NTN1: variants seen among roughly 807,000 people sequenced by gnomAD.
The protein encoded by NTN1 is netrin 1, also known as netrin-1.
NTN1 carries 11 observed loss-of-function variants against 54.2 expected under a neutral mutation model. The ratio of observed to expected loss-of-function variants is 0.20; its 90% confidence interval spans 0.13 to 0.34. The LOEUF is 0.34. NTN1 is among the 10% of genes least tolerant of loss of function. The probability of loss-of-function intolerance (pLI) is 1.00; values close to 1 mark genes in which losing one functional copy is unlikely to be tolerated. For synonymous variants in NTN1, 371 were observed against 382.0 expected (o/e 0.97, Z 0.33); for missense variants, 740 against 893.1 (o/e 0.83, Z 2.18).
intron 2 of NTN1, among the ~76,000 whole-genome samples, chr17:9,087,614 TA>T (rs2092094038): frequency 6.6e-6 from 1 of 152,178 alleles, no homozygotes; most frequent in African/African-American, 2.4e-5. Flanking sequence ...TGCTCCCACA[TA>T]CCAGAGTCCT....
chr17:9,003,850 G>A, the NTN1 span, among the ~76,000 whole-genome samples: 3 of 151,856 alleles, frequency 2.0e-5, no homozygotes, highest in Non-Finnish European at 4.4e-5. The surrounding 1 kb of genome is among the most constrained non-coding windows in gnomAD (Gnocchi z 7.4). Context: ...TTCGCCGAGC[G>A]CTCAAAGGGG....
intron 2 of NTN1, among the ~76,000 whole-genome samples, chr17:9,024,073 A>G (rs2091862461): frequency 6.6e-6 from 1 of 152,246 alleles, no homozygotes; most frequent in African/African-American, 2.4e-5. Context: ...AAAAAAGTAT[A>G]CCAGATTTTT....
rs1315685117 is a variant in NTN1 at position 9,163,063 on chromosome 17, CCCT to C, written c.1207+67_1207+69del. 9 of 1,476,362 alleles carry C rather than the reference CCCT, an allele frequency of 6.1e-6. No individual in the cohort carries two copies. The East Asian group carries it at 2.2e-4, about 36-fold the overall frequency. The allele number at this position is 1,476,362 out of a possible 1,614,324, so 91.5% of individuals were successfully genotyped here. On this transcript the variant is annotated intron_variant, in intron 3 of 6. Coordinates refer to ENST00000173229, the MANE Select transcript of NTN1 (RefSeq NM_004822.3). ...CCCGGGGAACATCAGTCCTCCCGCTCCCTCCTCGCTTCCTTTTCTATTTTCTTC... is the reference window on the plus strand; with the variant it reads ...CCCGGGGAACATCAGTCCTCCCGCTCCCTCGCTTCCTTTTCTATTTTCTTC...
chr17:9,206,852 C>T (rs1567738748), intron 5 of NTN1, among the ~76,000 whole-genome samples: 1 of 152,376 alleles, frequency 6.6e-6, no homozygotes, highest in Admixed American at 6.5e-5. Flanking sequence ...CTCCTGCTCT[C>T]CTCCCCAGGC....
intron 2 of NTN1, among the ~76,000 whole-genome samples, chr17:9,079,828 C>T (rs1369493794): frequency 2.0e-5 from 3 of 151,986 alleles, no homozygotes; most frequent in Non-Finnish European, 4.4e-5. Flanking sequence ...GAAGTGGTTC[C>T]CCAATGGGCC....
chr17:9,152,397 A>G (rs1356719821), intron 2 of NTN1, among the ~76,000 whole-genome samples: 2 of 152,114 alleles, frequency 1.3e-5, no homozygotes, highest in Non-Finnish European at 2.9e-5. Context: ...TTCTCTCTGA[A>G]AGACCCAGGT....
chr17:9,096,879 A>G (rs9905687), intron 2 of NTN1, among the ~76,000 whole-genome samples: 109,693 of 152,144 alleles, frequency 0.72, 40,024 homozygotes, highest in East Asian at 0.96. Context: ...AAATGCAACT[A>G]AATCTTATTT....
chr17:9,051,947 C>T (rs2091961731), intron 2 of NTN1, among the ~76,000 whole-genome samples: 1 of 151,886 alleles, frequency 6.6e-6, no homozygotes, highest in Admixed American at 6.6e-5. Flanking sequence ...TCCCATGTGA[C>T]CAAAGACACG....
Position 9,221,579 on chromosome 17 carries a change from A to G in NTN1, c.1486+337A>G, listed in dbSNP as rs907834887. On this transcript the variant is annotated intron_variant, in intron 6 of 6. Transcript: ENST00000173229. The surrounding 1 kb of genome is among the most constrained non-coding windows in gnomAD (Gnocchi z 4.5). The stretch of plus-strand genomic sequence containing the variant: ...CTCTGTGGTCTTCTGTGTCTGCATC[A>G]TACTGCGGGGATTTGACCCGAGTCC... 1.3e-5 allele frequency among the ~76,000 whole-genome samples: 2 copies of G among 152,112 alleles called. No homozygotes were observed. The highest frequency in any genetic ancestry group is 2.1e-4 in the South Asian group (1 of 4,826).
At chr17:9,013,584 C>G in the NTN1 span, among the ~76,000 whole-genome samples, 2 of 152,148 alleles carry the variant, frequency 1.3e-5, no homozygotes, top group African/African-American at 2.4e-5. Flanking sequence ...TGATGTCTCC[C>G]AGATCCATCA....
intron 2 of NTN1, among the ~76,000 whole-genome samples, chr17:9,029,903 A>G (rs1006400825): frequency 1.3e-5 from 2 of 151,868 alleles, no homozygotes. Context: ...GAGGCAGGAG[A>G]ATTGCTTGAA....
At chr17:9,105,702 C>G (rs981770408) in intron 2 of NTN1, among the ~76,000 whole-genome samples, 5 of 152,022 alleles carry the variant, frequency 3.3e-5, no homozygotes, top group African/African-American at 7.3e-5. Flanking sequence ...CTCTGTCTCT[C>G]TCTGTTTCTC....
chr17:9,090,219 A>G (rs71371885), intron 2 of NTN1, among the ~76,000 whole-genome samples: 13,184 of 147,618 alleles, frequency 0.089, 677 homozygotes, highest in Non-Finnish European at 0.11. Context: ...CTCTGTCACC[A>G]GGCTGGAGTG....
intron 2 of NTN1, among the ~76,000 whole-genome samples, chr17:9,133,753 A>ATT (rs1242359717): frequency 4.8e-5 from 3 of 62,050 alleles, no homozygotes; most frequent in African/African-American, 2.4e-4. Context: ...ATGCCCAGCT[A>ATT]ATTTTTTTTT....
At chr17:9,213,426 C>T (rs550235439) in intron 5 of NTN1, among the ~76,000 whole-genome samples, 1 of 152,320 alleles carries the variant, frequency 6.6e-6, no homozygotes, top group Admixed American at 6.5e-5. Context: ...GGCGTTCTGC[C>T]TACTCTTTAC....
At position 9,221,164 on chromosome 17, in the gene NTN1, G is replaced by A. The variant is rs747333954; in HGVS notation, c.1412-4G>A. ...GTCTGTGCTCCCCCCCCACCCCCCT[G>A]CAGACTGCGATTCCTACTGCAAGGC... On this transcript the variant is annotated splice_polypyrimidine_tract_variant and splice_region_variant and intron_variant, in intron 5 of 6. Transcript: ENST00000173229. The surrounding 1 kb of genome is among the most constrained non-coding windows in gnomAD (Gnocchi z 4.5). The A allele has an allele frequency of 9.3e-7, 1 of 1,080,642 alleles. No homozygotes were observed. Among genetic ancestry groups the A allele is most frequent in the Non-Finnish European group, 1.3e-6 (1 of 742,912 alleles). 66.9% of individuals were successfully genotyped at this position (1,080,642 alleles called of 1,614,324 possible). A position where few individuals can be genotyped will look rare whatever the true frequency, so the allele number is the denominator to read the frequency against.
At chr17:9,190,161 A>G (rs1183953285) in intron 5 of NTN1, among the ~76,000 whole-genome samples, 1 of 152,226 alleles carries the variant, frequency 6.6e-6, no homozygotes, top group East Asian at 1.9e-4. Context: ...CAACTAGAAT[A>G]CCAGTAAAAA....
intron 5 of NTN1, among the ~76,000 whole-genome samples, chr17:9,198,742 C>T (rs1041904806): frequency 6.6e-6 from 1 of 152,244 alleles, no homozygotes; most frequent in African/African-American, 2.4e-5. Context: ...GAGAGAATCA[C>T]AGCCCAGGAG....
At chr17:9,106,480 CCTT>C (rs2092166916) in intron 2 of NTN1, among the ~76,000 whole-genome samples, 1 of 26,612 alleles carries the variant, frequency 3.8e-5, no homozygotes, top group African/African-American at 1.6e-4. Flanking sequence ...TTCCTTCCTT[CCTT>C]CCTTCCTTCC....
Sources: gnomAD v4.1 joint callset for allele counts (sites outside exome capture counted in the v4.1 genomes callset) on GRCh38, gnomAD v4.1.1 for gene constraint, Gnocchi (gnomAD v3.1) non-coding constraint, MANE v1.5 for transcripts, NCBI Gene and HGNC (gene_info 2026-07-23, HGNC 2026-07-21) for gene names.